Variants in LAMB1 observed in about 807,000 individuals in gnomAD.
LAMB1 encodes laminin subunit beta-1.
In LAMB1, 121 loss-of-function variants were observed where a neutral mutation model predicts 222.3. The ratio of observed to expected loss-of-function variants is 0.54; its 90% CI spans 0.47 to 0.63. The LOEUF is 0.63. LAMB1 is among the 30% of genes least tolerant of loss of function. LAMB1 has a pLI of 0.00. For missense variants in LAMB1, 2,172 were observed against 2,240.8 expected, an observed-to-expected ratio of 0.97 and a Z score of 0.62; for synonymous variants, 794 against 807.2, an observed-to-expected ratio of 0.98 and a Z score of 0.28.
At chr7:107,949,136 G>T (rs1034615282) in intron 24 of LAMB1, among the ~76,000 whole-genome samples, 2 of 152,184 alleles carry the variant, frequency 1.3e-5, no homozygotes, top group Non-Finnish European at 2.9e-5. Flanking sequence ...TCTTTGCAGA[G>T]TTTCTAAAAC....
intron 29 of LAMB1, among the ~76,000 whole-genome samples, chr7:107,930,227 A>G (rs1186602757): frequency 6.6e-6 from 1 of 152,188 alleles, no homozygotes; most frequent in Non-Finnish European, 1.5e-5. Context: ...TCAAATGTAA[A>G]ATGTGGAAGA....
chr7:107,970,312 A>AC (rs2033720582), intron 13 of LAMB1, among the ~76,000 whole-genome samples: 1 of 152,048 alleles, frequency 6.6e-6, no homozygotes, highest in East Asian at 1.9e-4. Context: ...ACATGGTGAA[A>AC]CCCCGTCTCT....
chr7:107,928,954 T>G, intron 31 of LAMB1, 110 bp downstream of exon 31: 6 of 1,030,372 alleles, frequency 5.8e-6, no homozygotes, highest in Non-Finnish European at 8.9e-6. Flanking sequence ...ATTAAAGGAA[T>G]CCTTTAATGT....
intron 24 of LAMB1, among the ~76,000 whole-genome samples, chr7:107,945,834 C>G (rs567201429): frequency 6.6e-6 from 1 of 152,352 alleles, no homozygotes; most frequent in Non-Finnish European, 1.5e-5. Flanking sequence ...GCCACTAGAG[C>G]TAATCTTTTC....
chr7:107,930,580 T>C (rs1294104242), intron 29 of LAMB1, among the ~76,000 whole-genome samples: 5 of 152,248 alleles, frequency 3.3e-5, no homozygotes, highest in Admixed American at 6.5e-5. Flanking sequence ...CATTTATGCA[T>C]TGGCATGTGA....
intron 4 of LAMB1, among the ~76,000 whole-genome samples, chr7:107,997,153 G>A (rs2034295472): frequency 1.3e-5 from 2 of 152,216 alleles, no homozygotes. Context: ...GCTGGGCGTG[G>A]TGGTTCACAC....
chr7:107,987,029 T>C (rs888702221), intron 5 of LAMB1, among the ~76,000 whole-genome samples: 2 of 152,200 alleles, frequency 1.3e-5, no homozygotes, highest in African/African-American at 2.4e-5. Context: ...TTATTCACAA[T>C]AGCCAGAAGG....
intron 27 of LAMB1, among the ~76,000 whole-genome samples, chr7:107,935,067 T>A (rs565374665): frequency 1.3e-5 from 2 of 151,806 alleles, no homozygotes; most frequent in East Asian, 1.9e-4. Flanking sequence ...GGAAAAAAAA[T>A]ATTAAAGAAA....
Position 107,929,083 on chromosome 7 carries a change from G to T in LAMB1, c.4868C>A (p.Thr1623Asn), listed in dbSNP as rs1485188517. 2 of 1,613,918 alleles carry T rather than the reference G, an allele frequency of 1.2e-6. No individual in the cohort carries two copies. Among genetic ancestry groups the T allele is most frequent in the South Asian group, 2.2e-5 (2 of 91,078 alleles). ...IKQADEDIQGTQNLLTSIESE... is the reference protein window; with the variant it reads ...IKQADEDIQGNQNLLTSIESE... The stretch of plus-strand genomic sequence containing the variant: ...GCCTACCGAAGTTAACAGGTTCTGG[G>T]TTCCTTGAATGTCTTCATCTGCTTG... The change falls in exon 31 of 34, where the codon ACC (threonine) becomes AAC (asparagine). Residue 1623 changes from threonine (T) to asparagine (N), a missense_variant. Coordinates refer to ENST00000222399, the MANE Select transcript of LAMB1 (RefSeq NM_002291.3).
At chr7:107,927,419 T>C (rs2032591625) in intron 31 of LAMB1, among the ~76,000 whole-genome samples, 1 of 82,558 alleles carries the variant, frequency 1.2e-5, no homozygotes, top group African/African-American at 3.0e-5. Context: ...TATAATTCAG[T>C]ATTTTCTAAT....
At chr7:107,932,066 CT>C in intron 28 of LAMB1, 107 bp downstream of exon 28, 1 of 1,006,562 alleles carries the variant, frequency 9.9e-7, no homozygotes, top group Non-Finnish European at 1.6e-6. Context: ...GTGATATGCC[CT>C]TTTCATTTCA....
chr7:107,988,269 G>A (rs1362620593), intron 5 of LAMB1, among the ~76,000 whole-genome samples: 1 of 152,216 alleles, frequency 6.6e-6, no homozygotes. Flanking sequence ...GAAGAGGCGT[G>A]AAAGCATTTG....
At chr7:107,927,973 A>T (rs1021986161) in intron 31 of LAMB1, among the ~76,000 whole-genome samples, 11 of 152,232 alleles carry the variant, frequency 7.2e-5, no homozygotes, top group Non-Finnish European at 7.3e-5. Context: ...GTATGGGAGC[A>T]TTTAATTTCA....
chr7:107,953,885 C>T, intron 21 of LAMB1, 131 bp from the exon 22 acceptor site: 2 of 716,164 alleles, frequency 2.8e-6, no homozygotes, highest in Non-Finnish European at 4.9e-6. Flanking sequence ...TTAAAGAGCC[C>T]AGGGTGATCA....
intron 31 of LAMB1, among the ~76,000 whole-genome samples, chr7:107,926,673 T>G (rs2032574887): frequency 6.6e-6 from 1 of 152,066 alleles, no homozygotes; most frequent in South Asian, 2.1e-4. Context: ...GAGAAAGCAT[T>G]TTAAGGACAC....
At chr7:107,925,997 C>T (rs976482924) in intron 32 of LAMB1, among the ~76,000 whole-genome samples, 186 bp downstream of exon 32, 1 of 151,682 alleles carries the variant, frequency 6.6e-6, no homozygotes, top group African/African-American at 2.4e-5. Context: ...ATAGGTCATA[C>T]TTATTAGATA....
rs777773380 is a variant in LAMB1 at position 107,959,843 on chromosome 7, A to C, written c.2315-9T>G. On this transcript the variant is annotated splice_polypyrimidine_tract_variant and intron_variant, in intron 18 of 33. Coordinates refer to ENST00000222399, the MANE Select transcript of LAMB1 (RefSeq NM_002291.3). The stretch of plus-strand genomic sequence containing the variant: ...AGGGTCGCATTCACAAGCTGTGGGT[A>C]AAGAGAGGCCAGAACCCATGACACG... 1 of 1,611,250 alleles carries C rather than the reference A, an allele frequency of 6.2e-7. No homozygotes were observed. The highest frequency in any genetic ancestry group is 8.5e-7 in the Non-Finnish European group (1 of 1,178,478).
At chr7:107,946,692 T>C (rs1482066380) in intron 24 of LAMB1, among the ~76,000 whole-genome samples, 1 of 152,252 alleles carries the variant, frequency 6.6e-6, no homozygotes, top group Non-Finnish European at 1.5e-5. Flanking sequence ...ACAGTATTTA[T>C]AGTTCTCTAA....
rs764537105 is a variant in LAMB1 at position 107,986,198 on chromosome 7, T to C, written c.589A>G (p.Ile197Val). Residue 197 changes from isoleucine (I) to valine (V), a missense_variant, in exon 6 of 34, where the codon ATT (isoleucine) becomes GTT (valine). Ile to Val is a conservative substitution (Grantham distance 29). Transcript: ENST00000222399. ...DIICDSRYSDIEPSTEGEVIF... is the reference protein window; with the variant it reads ...DIICDSRYSDVEPSTEGEVIF... ...ACCTCTCCTTCAGTTGAGGGTTCAA[T>C]GTCAGAATATCGAGAATCACAAATT... 4 of 1,614,138 alleles carry C rather than the reference T, an allele frequency of 2.5e-6. No individual in the cohort carries two copies. Among genetic ancestry groups the C allele is most frequent in the Non-Finnish European group, 3.4e-6 (4 of 1,180,002 alleles).
Sources: gnomAD v4.1 joint callset for allele counts (sites outside exome capture counted in the v4.1 genomes callset) on GRCh38, gnomAD v4.1.1 for gene constraint, MANE v1.5 for transcripts, NCBI Gene and HGNC (gene_info 2026-07-23, HGNC 2026-07-21) for gene names.